LIMCH1: variants seen among roughly 807,000 people sequenced by gnomAD.
LIMCH1 encodes the protein LIM and calponin homology domains-containing protein 1.
A neutral mutation model predicts 176.5 loss-of-function variants in LIMCH1; 113 were observed. That is an observed-to-expected ratio of 0.64 (90% confidence interval 0.55 to 0.75). The LOEUF (loss-of-function observed/expected upper bound fraction) is 0.75, where lower values mean the gene tolerates loss of function less well. LIMCH1 is among the 30% of genes least tolerant of loss of function. LIMCH1 has a pLI of 0.00. For missense variants in LIMCH1, 1,674 were observed against 1,814.9 expected (o/e 0.92, Z 1.41); for synonymous variants, 619 against 645.9 (o/e 0.96, Z 0.63).
At chr4:41,596,217 A>T (rs774733273) in intron 1 of LIMCH1, among the ~76,000 whole-genome samples, 3 of 139,732 alleles carry the variant, frequency 2.1e-5, no homozygotes, top group Non-Finnish European at 4.4e-5. Flanking sequence ...TTTTTCTACC[A>T]TTTTTGTAAC....
chr4:41,497,542 G>A (rs371933160), intron 2 of LIMCH1, among the ~76,000 whole-genome samples: 64 of 152,244 alleles, frequency 4.2e-4, no homozygotes, highest in African/African-American at 1.1e-3. Context: ...GGTGGCTCAC[G>A]CCTGTAATCC....
intron 1 of LIMCH1, among the ~76,000 whole-genome samples, chr4:41,387,441 CA>C (rs1405528392): frequency 7.2e-5 from 11 of 152,206 alleles, no homozygotes; most frequent in South Asian, 2.1e-4. Context: ...AAGGATAGAC[CA>C]AAAAAATTAT....
intron 14 of LIMCH1, among the ~76,000 whole-genome samples, chr4:41,644,040 A>G (rs1469819318): frequency 6.6e-6 from 1 of 152,248 alleles, no homozygotes; most frequent in African/African-American, 2.4e-5. Flanking sequence ...AGCTTTCTAC[A>G]CAAAGAAGCA....
chr4:41,531,474 TCACACACACACACACACA>T (rs59275736), intron 3 of LIMCH1, among the ~76,000 whole-genome samples: 3 of 126,986 alleles, frequency 2.4e-5, no homozygotes, highest in African/African-American at 3.3e-5. Flanking sequence ...TCTTTCTCTG[TCACACACACACACACACA>T]CACACACACA....
chr4:41,444,754 T>C (rs973645762), intron 1 of LIMCH1, among the ~76,000 whole-genome samples: 5 of 152,180 alleles, frequency 3.3e-5, no homozygotes, highest in African/African-American at 9.7e-5. Flanking sequence ...TTGCTCAACA[T>C]TGGGGATTTG....
At chr4:41,660,460 T>G (rs2094582140) in intron 18 of LIMCH1, among the ~76,000 whole-genome samples, 1 of 152,092 alleles carries the variant, frequency 6.6e-6, no homozygotes, top group African/African-American at 2.4e-5. Context: ...AGAGACTTCT[T>G]AGTGGAGAAC....
intron 31 of LIMCH1, chr4:41,693,286 T>C (rs1466157797): frequency 1.3e-5 from 2 of 152,242 alleles, no homozygotes; most frequent in Non-Finnish European, 2.9e-5. Flanking sequence ...ACGTTTTTAC[T>C]GCCTTTTTAC....
chr4:41,573,804 C>T (rs2083965658), intron 1 of LIMCH1, among the ~76,000 whole-genome samples: 1 of 152,130 alleles, frequency 6.6e-6, no homozygotes. Flanking sequence ...TTGTCAGGTC[C>T]TCCTCATAAA....
chr4:41,636,877 G>A (rs1039317804), intron 13 of LIMCH1, among the ~76,000 whole-genome samples: 19 of 152,140 alleles, frequency 1.2e-4, no homozygotes, highest in Non-Finnish European at 5.9e-5. Context: ...ATCACTCAAC[G>A]CTAATCTATG....
intron 2 of LIMCH1, among the ~76,000 whole-genome samples, chr4:41,506,010 C>G (rs2074119329): frequency 6.7e-6 from 1 of 149,906 alleles, no homozygotes; most frequent in Non-Finnish European, 1.5e-5. Flanking sequence ...ACTGGGAGAC[C>G]AAAGGATGGA....
intron 5 of LIMCH1, among the ~76,000 whole-genome samples, chr4:41,616,901 A>G (rs1019353649): frequency 1.4e-4 from 22 of 152,146 alleles, no homozygotes; most frequent in Non-Finnish European, 2.8e-4. Context: ...CTAAATCCAT[A>G]AACCTATACT....
At chr4:41,425,657 G>T (rs955345800) in intron 1 of LIMCH1, among the ~76,000 whole-genome samples, 1 of 152,176 alleles carries the variant, frequency 6.6e-6, no homozygotes, top group Non-Finnish European at 1.5e-5. Flanking sequence ...GGCCTGGGTG[G>T]TCTCTTTCTT....
At chr4:41,409,317 T>A (rs1485914405) in intron 1 of LIMCH1, among the ~76,000 whole-genome samples, 2 of 152,168 alleles carry the variant, frequency 1.3e-5, no homozygotes, top group East Asian at 3.8e-4. Flanking sequence ...AGTCAGTTCA[T>A]TAGGAAATAT....
chr4:41,476,403 G>A (rs891498289), intron 1 of LIMCH1, among the ~76,000 whole-genome samples: 20 of 152,268 alleles, frequency 1.3e-4, no homozygotes, highest in Non-Finnish European at 7.4e-5. Context: ...GGCGTTGTTC[G>A]TGGAGGTGGA....
rs56174007 is a variant in LIMCH1, at chr4:41,399,685, C to CT, written c.96+38764dup. On this transcript the variant is annotated intron_variant, in intron 1 of 26. Coordinates refer to the LIMCH1 transcript ENST00000313860. ...GTAACAATCCTATGAGGTGGATACT[C>CT]TTTTTTTTTTTTTTTGAGATGGAGT... is the stretch of plus-strand genomic sequence containing the variant. Among the ~76,000 whole-genome samples, 19 of 95,786 alleles carry CT rather than the reference C, an allele frequency of 2.0e-4. 1 individual carries two copies. Among genetic ancestry groups the CT allele is most frequent in the Admixed American group, 4.1e-4 (3 of 7,258 alleles). 62.8% of individuals were successfully genotyped at this position (95,786 alleles called of 152,430 possible).
intron 4 of LIMCH1, among the ~76,000 whole-genome samples, chr4:41,608,092 G>A (rs1004550408): frequency 2.6e-5 from 4 of 152,146 alleles, no homozygotes; most frequent in Non-Finnish European, 5.9e-5. Context: ...GCTGATGTGG[G>A]GTTCCATGTC....
chr4:41,654,036 T>C (rs2094391288), intron 18 of LIMCH1, among the ~76,000 whole-genome samples: 1 of 152,192 alleles, frequency 6.6e-6, no homozygotes, highest in Non-Finnish European at 1.5e-5. Flanking sequence ...TACCTGTTTT[T>C]TGAAATAGAA....
At chr4:41,510,777 C>T (rs1176379672) in intron 2 of LIMCH1, among the ~76,000 whole-genome samples, 6 of 152,052 alleles carry the variant, frequency 3.9e-5, no homozygotes, top group East Asian at 1.9e-4. Context: ...TTAGTAGAGA[C>T]GGAGTTTCGC....
chr4:41,399,890 G>GC (rs1444764595), intron 1 of LIMCH1, among the ~76,000 whole-genome samples: 2 of 142,026 alleles, frequency 1.4e-5, no homozygotes, highest in Non-Finnish European at 3.0e-5. Flanking sequence ...CACCATGTTG[G>GC]CCAGGATGGT....
Sources: gnomAD v4.1 joint callset for allele counts (sites outside exome capture counted in the v4.1 genomes callset) on GRCh38, gnomAD v4.1.1 for gene constraint, MANE v1.5 for transcripts, NCBI Gene and HGNC (gene_info 2026-07-23, HGNC 2026-07-21) for gene names.